TUSC3: variants seen among roughly 807,000 people sequenced by gnomAD.
TUSC3 encodes tumor suppressor candidate 3, also known as dolichyl-diphosphooligosaccharide--protein glycosyltransferase subunit TUSC3.
TUSC3 carries 45 observed loss-of-function variants against 44.8 expected under a neutral mutation model. That is an observed-to-expected ratio of 1.00 (90% CI 0.79 to 1.29). The LOEUF (loss-of-function observed/expected upper bound fraction) is 1.29, where lower values mean the gene tolerates loss of function less well. Among genes scored for constraint, TUSC3 ranks in the 50% most tolerant of loss-of-function variants. The probability of loss-of-function intolerance (pLI) is 0.00; values close to 1 mark genes in which losing one functional copy is unlikely to be tolerated. For synonymous variants in TUSC3, 212 were observed against 152.9 expected (o/e 1.39, Z -2.85); for missense variants, 519 against 437.9 (o/e 1.19, Z -1.65).
At chr8:15,600,763 A>G (rs911195673) in intron 1 of TUSC3, among the ~76,000 whole-genome samples, 7 of 151,704 alleles carry the variant, frequency 4.6e-5, no homozygotes, top group Non-Finnish European at 8.9e-5. Context: ...TACTAGCTGT[A>G]GATTCTAAAC....
the TUSC3 span, among the ~76,000 whole-genome samples, chr8:15,841,677 C>G: frequency 6.6e-6 from 1 of 152,080 alleles, no homozygotes; most frequent in Non-Finnish European, 1.5e-5. Flanking sequence ...CCACACCCAG[C>G]TAATATTTGT....
chr8:15,690,508 T>C (rs1358761165), intron 6 of TUSC3, among the ~76,000 whole-genome samples: 4 of 152,198 alleles, frequency 2.6e-5, no homozygotes, highest in East Asian at 1.9e-4. Flanking sequence ...AGTTTAATTA[T>C]GTCCCATTTG....
At chr8:15,608,611 G>A (rs1804629384) in intron 1 of TUSC3, among the ~76,000 whole-genome samples, 2 of 152,086 alleles carry the variant, frequency 1.3e-5, no homozygotes, top group Admixed American at 1.3e-4. Flanking sequence ...ATTGGATTAT[G>A]GGGGTGGTTT....
chr8:15,533,777 T>C (rs773711971), intron 2 of TUSC3, among the ~76,000 whole-genome samples: 9 of 152,180 alleles, frequency 5.9e-5, no homozygotes, highest in Admixed American at 1.3e-4. Flanking sequence ...TGTTTCTGTG[T>C]TGAGAAGTTT....
At chr8:15,640,561 T>C (rs1806318703) in intron 2 of TUSC3, among the ~76,000 whole-genome samples, 1 of 152,172 alleles carries the variant, frequency 6.6e-6, no homozygotes, top group Non-Finnish European at 1.5e-5. Context: ...TTTTATTTAG[T>C]TTTTCAGATC....
intron 6 of TUSC3, among the ~76,000 whole-genome samples, chr8:15,688,319 G>A (rs1479561565): frequency 6.6e-6 from 1 of 151,770 alleles, no homozygotes; most frequent in Non-Finnish European, 1.5e-5. Context: ...TTCAATGCAT[G>A]TTTATCAAGC....
intron 1 of TUSC3, among the ~76,000 whole-genome samples, chr8:15,542,716 A>G (rs1801732743): frequency 6.6e-6 from 1 of 152,188 alleles, no homozygotes; most frequent in African/African-American, 2.4e-5. Context: ...TTTTTCTCGA[A>G]ATATATTTTT....
At chr8:15,595,861 A>G (rs1463915184) in intron 1 of TUSC3, among the ~76,000 whole-genome samples, 1 of 152,210 alleles carries the variant, frequency 6.6e-6, no homozygotes, top group African/African-American at 2.4e-5. Context: ...TACTTCTGCT[A>G]TCTTTACTGT....
At chr8:15,663,069 C>T (rs1807496969) in intron 5 of TUSC3, among the ~76,000 whole-genome samples, 1 of 151,570 alleles carries the variant, frequency 6.6e-6, no homozygotes, top group Non-Finnish European at 1.5e-5. Flanking sequence ...AGCTCACAGC[C>T]AATAGCCGAA....
chr8:15,692,328 C>T (rs1422911447), intron 6 of TUSC3, among the ~76,000 whole-genome samples: 1 of 129,874 alleles, frequency 7.7e-6, no homozygotes, highest in Non-Finnish European at 1.6e-5. Flanking sequence ...CAGGATGATG[C>T]TAGCCTCATA....
At chr8:15,473,644 G>A (rs1017212269) in intron 1 of TUSC3, among the ~76,000 whole-genome samples, 7 of 152,138 alleles carry the variant, frequency 4.6e-5, no homozygotes, top group Admixed American at 6.5e-5. Context: ...CGGCAGGACC[G>A]TGCTACCCAC....
chr8:15,568,100 ATT>A (rs1252801796), intron 1 of TUSC3, among the ~76,000 whole-genome samples: 8 of 152,140 alleles, frequency 5.3e-5, no homozygotes, highest in Admixed American at 2.0e-4. Flanking sequence ...GACTAGAGCC[ATT>A]CTCTGAGATT....
intron 2 of TUSC3, among the ~76,000 whole-genome samples, chr8:15,497,174 C>T (rs1475549948): frequency 1.3e-5 from 2 of 152,154 alleles, no homozygotes; most frequent in African/African-American, 4.8e-5. Context: ...TCTTGGTAAG[C>T]ATCTCTGAGA....
intron 1 of TUSC3, among the ~76,000 whole-genome samples, chr8:15,620,736 G>A (rs1384655291): frequency 6.6e-6 from 1 of 152,098 alleles, no homozygotes; most frequent in Non-Finnish European, 1.5e-5. Context: ...TATTAAATGA[G>A]TTTCGTATTA....
At chr8:15,622,724 A>T (rs913440136) in intron 1 of TUSC3, among the ~76,000 whole-genome samples, 1 of 152,030 alleles carries the variant, frequency 6.6e-6, no homozygotes, top group African/African-American at 2.4e-5. Context: ...ATGTTTGGCT[A>T]GACTAGAGTA....
At chr8:15,497,202 G>A (rs1020788997) in intron 2 of TUSC3, among the ~76,000 whole-genome samples, 21 of 152,124 alleles carry the variant, frequency 1.4e-4, no homozygotes, top group African/African-American at 4.6e-4. Flanking sequence ...GTTTGAGCAG[G>A]GACTTGGTAG....
At chr8:15,671,075 T>G (rs879343129) in intron 5 of TUSC3, among the ~76,000 whole-genome samples, 2 of 151,930 alleles carry the variant, frequency 1.3e-5, no homozygotes, top group Non-Finnish European at 2.9e-5. Flanking sequence ...ATCTCTCGTG[T>G]ACTGTTATTT....
At chr8:15,800,932 A>G in the TUSC3 span, among the ~76,000 whole-genome samples, 1 of 152,262 alleles carries the variant, frequency 6.6e-6, no homozygotes, top group Admixed American at 6.5e-5. Context: ...TCACTTAATC[A>G]TCTATACAAC....
intron 7 of TUSC3, among the ~76,000 whole-genome samples, chr8:15,732,762 C>G (rs76451339): frequency 0.019 from 2,943 of 152,192 alleles, 90 homozygotes; most frequent in African/African-American, 0.067. Context: ...GATTACAAAT[C>G]GCGTTTATAT....
Sources: gnomAD v4.1 joint callset for allele counts (sites outside exome capture counted in the v4.1 genomes callset) on GRCh38, gnomAD v4.1.1 for gene constraint, MANE v1.5 for transcripts, NCBI Gene and HGNC (gene_info 2026-07-23, HGNC 2026-07-21) for gene names.